The following TP53BP1 variants were observed in gnomAD, a reference collection of about 807,000 sequenced individuals.
The protein encoded by TP53BP1 is tumor protein p53 binding protein 1, also known as TP53-binding protein 1.
A neutral mutation model predicts 200.8 loss-of-function variants in TP53BP1; 61 were observed. That is an observed-to-expected ratio of 0.30 (90% CI 0.25 to 0.38). TP53BP1 has a LOEUF of 0.38. TP53BP1 is among the 10% of genes least tolerant of loss of function. The pLI, the probability that TP53BP1 is intolerant of heterozygous loss-of-function variation, is 1.00. For synonymous variants in TP53BP1, 822 were observed against 844.3 expected, an observed-to-expected ratio of 0.97 and a Z score of 0.46; for missense variants, 2,144 against 2,371.9, an observed-to-expected ratio of 0.90 and a Z score of 2.00.
At chr15:43,407,907 C>G in intron 27 of TP53BP1, 36 bp downstream of exon 27, 1 of 1,593,054 alleles carries the variant, frequency 6.3e-7, no homozygotes, top group Non-Finnish European at 8.5e-7. Context: ...AAGGAGATCC[C>G]TGGAACAAAG....
At chr15:43,501,911 C>T (rs945660187) in intron 1 of TP53BP1, among the ~76,000 whole-genome samples, 3 of 152,166 alleles carry the variant, frequency 2.0e-5, no homozygotes, top group South Asian at 2.1e-4. Context: ...ATAAACAATT[C>T]GTTTTGTGAA....
chr15:43,453,813 G>A (rs538827035), intron 12 of TP53BP1, among the ~76,000 whole-genome samples: 1 of 151,686 alleles, frequency 6.6e-6, no homozygotes, highest in African/African-American at 2.4e-5. Flanking sequence ...TCAAAGTGCT[G>A]GGATTACAGG....
At chr15:43,504,111 C>A (rs1360150950) in intron 1 of TP53BP1, among the ~76,000 whole-genome samples, 3 of 151,680 alleles carry the variant, frequency 2.0e-5, no homozygotes, top group African/African-American at 7.3e-5. Flanking sequence ...ATAGCAAGAC[C>A]CCCCTCCTCA....
intron 2 of TP53BP1, 89 bp from the exon 3 acceptor site, chr15:43,492,184 T>C: frequency 6.6e-7 from 1 of 1,505,950 alleles, no homozygotes; most frequent in South Asian, 1.2e-5. Context: ...TCCAATCAAC[T>C]TTATTGAGAA....
intron 18 of TP53BP1, among the ~76,000 whole-genome samples, chr15:43,423,315 G>C (rs1296031495): frequency 6.6e-6 from 1 of 151,630 alleles, no homozygotes; most frequent in African/African-American, 2.4e-5. Flanking sequence ...AATTGCCAGA[G>C]AGGATATGGA....
Position 43,469,932 on chromosome 15 carries a change from T to C in TP53BP1, c.1315A>G (p.Thr439Ala). ...PESTVSPQAS[T>A]PISQSTPVFP... Reference sequence around the variant, plus strand: ...ACTGGTGTGCTCTGAGATATTGGTGTTGAGGCTTGTGGTGATACAGTGGAC... The same window carrying C: ...ACTGGTGTGCTCTGAGATATTGGTGCTGAGGCTTGTGGTGATACAGTGGAC... The change falls in exon 11 of 28, where the codon ACA becomes GCA. Residue 439 changes from threonine (T) to alanine (A), a missense_variant. Physicochemically the swap from Thr to Ala is moderately conservative, Grantham distance 58. Transcript: ENST00000382044. The C allele has an allele frequency of 6.2e-7, 1 of 1,614,058 alleles. No homozygotes were observed. Among genetic ancestry groups the C allele is most frequent in the East Asian group, 2.2e-5 (1 of 44,884 alleles).
intron 26 of TP53BP1, chr15:43,408,384 G>C (rs2044991452): frequency 6.4e-6 from 2 of 312,994 alleles, no homozygotes. Flanking sequence ...GGGAGGCTGA[G>C]GTAGGGGGAT....
chr15:43,429,351 A>G (rs1004145088), intron 17 of TP53BP1, among the ~76,000 whole-genome samples: 6 of 152,188 alleles, frequency 3.9e-5, no homozygotes, highest in Admixed American at 1.3e-4. Context: ...AATAACAACT[A>G]TATCACATTT....
chr15:43,492,904 T>G, intron 1 of TP53BP1, 133 bp downstream of exon 1: 206 of 372,026 alleles, frequency 5.5e-4, no homozygotes, highest in East Asian at 8.2e-4. Flanking sequence ...CACCCCCTCC[T>G]TAGGGCCCTC....
Position 43,456,291 on chromosome 15 carries a change from C to G in TP53BP1, c.2317G>C (p.Val773Leu). Residue 773 changes from valine (V) to leucine (L), a missense_variant, in exon 12 of 28, where the codon GTT (valine) becomes CTT (leucine). Coordinates refer to ENST00000382044, the MANE Select transcript of TP53BP1 (RefSeq NM_001141980.3). ...TCCAAAGGTTCACAAGAAACATCAA[C>G]TCTGGGAGATGGCTCTTTCACATCT... ...IVDVKEPSPR[V>L]DVSCEPLEGV... 1 of 1,614,172 alleles carries G rather than the reference C, an allele frequency of 6.2e-7. No individual in the cohort carries two copies. The highest frequency in any genetic ancestry group is 1.3e-5 in the African/African-American group (1 of 75,070).
intron 11 of TP53BP1, among the ~76,000 whole-genome samples, chr15:43,469,083 A>G (rs888339124): frequency 6.6e-6 from 1 of 152,218 alleles, no homozygotes; most frequent in Non-Finnish European, 1.5e-5. Context: ...TAAAACTACA[A>G]TAATTCCCCC....
chr15:43,404,249 C>A lies in TP53BP1; in HGVS notation c.*3134G>T. The A allele has an allele frequency of 1.4e-6, 1 of 737,944 alleles. No individual in the cohort carries two copies. The highest frequency in any genetic ancestry group is 2.2e-6 in the Non-Finnish European group (1 of 464,206). 45.7% of individuals were successfully genotyped at this position (737,944 alleles called of 1,614,324 possible). A position where few individuals can be genotyped will look rare whatever the true frequency, so the allele number is the denominator to read the frequency against. On this transcript the variant is annotated 3_prime_UTR_variant, in exon 28 of 28. Coordinates refer to ENST00000382044, the MANE Select transcript of TP53BP1 (RefSeq NM_001141980.3). ...AAGTCATGCATGTATGGATTTGGTACAAGTCATTTTAGGAACTAATAGAAA... is the reference window on the plus strand; with the variant it reads ...AAGTCATGCATGTATGGATTTGGTAAAAGTCATTTTAGGAACTAATAGAAA...
Position 43,404,568 on chromosome 15 carries a change from G to C in TP53BP1, c.*2815C>G, listed in dbSNP as rs140067398. 3 of 1,612,900 alleles carry C rather than the reference G, an allele frequency of 1.9e-6. No individual in the cohort carries two copies. Among genetic ancestry groups the C allele is most frequent in the Non-Finnish European group, 1.7e-6 (2 of 1,179,444 alleles). The stretch of plus-strand genomic sequence containing the variant: ...CTCTGGGCAGGTAGGAGCAACCCTT[G>C]GGTAACTCAGTAGACTTTTTAAGGT... On this transcript the variant is annotated 3_prime_UTR_variant, in exon 28 of 28. Transcript: ENST00000382044.
intron 1 of TP53BP1, among the ~76,000 whole-genome samples, chr15:43,500,557 C>T (rs2079204351): frequency 6.6e-6 from 1 of 152,126 alleles, no homozygotes; most frequent in Non-Finnish European, 1.5e-5. Context: ...TGGTGGCTCA[C>T]ACTTAAAATC....
chr15:43,479,656 T>C, intron 6 of TP53BP1, 130 bp from the exon 7 acceptor site: 1 of 1,200,164 alleles, frequency 8.3e-7, no homozygotes, highest in Non-Finnish European at 1.2e-6. Context: ...GGCATCAGTC[T>C]ATAAAGGAAA....
At chr15:43,457,264 T>G (rs768031188) in intron 11 of TP53BP1, 46 bp from the exon 12 acceptor site, 1 of 1,430,434 alleles carries the variant, frequency 7.0e-7, no homozygotes, top group Non-Finnish European at 9.3e-7. Context: ...TACATGATCA[T>G]ATATCTTTTA....
intron 11 of TP53BP1, among the ~76,000 whole-genome samples, chr15:43,462,652 T>C (rs1279328393): frequency 6.6e-6 from 1 of 152,068 alleles, no homozygotes; most frequent in Non-Finnish European, 1.5e-5. Flanking sequence ...TTTCCCTTGT[T>C]GCAAAAAATA....
intron 4 of TP53BP1, among the ~76,000 whole-genome samples, chr15:43,486,114 C>A (rs192738310): frequency 2.4e-4 from 37 of 152,050 alleles, no homozygotes; most frequent in African/African-American, 7.0e-4. Context: ...AGGTGCCTCA[C>A]GCCCGTAATC....
intron 19 of TP53BP1, among the ~76,000 whole-genome samples, chr15:43,421,489 A>G (rs1002070453): frequency 6.6e-6 from 1 of 152,226 alleles, no homozygotes; most frequent in Non-Finnish European, 1.5e-5. Context: ...TGCAAAGAAT[A>G]ACAAAAAGCT....
Sources: allele counts gnomAD v4.1 joint callset (sites outside exome capture counted in the v4.1 genomes callset), GRCh38; gene constraint gnomAD v4.1.1; transcripts MANE v1.5; gene names NCBI Gene and HGNC (gene_info 2026-07-23, HGNC 2026-07-21).